Variants in RBFOX1 observed in about 807,000 individuals in gnomAD.
RBFOX1 encodes RNA binding fox-1 homolog 1.
Under a neutral mutation model 57.7 loss-of-function variants are expected in RBFOX1, and 8 were observed. That is an observed-to-expected ratio of 0.14 (90% CI 0.08 to 0.25). The LOEUF (loss-of-function observed/expected upper bound fraction) is 0.25, where lower values mean the gene tolerates loss of function less well. Ranked by LOEUF, RBFOX1 falls within the 10% of genes least tolerant of loss-of-function variation. The pLI is 1.00. For synonymous variants in RBFOX1, 326 were observed against 222.4 expected (o/e 1.47, Z -4.15); for missense variants, 611 against 548.5 (o/e 1.11, Z -1.14).
chr16:6,687,963 A>G (rs1344571966), intron 3 of RBFOX1, among the ~76,000 whole-genome samples: 1 of 152,220 alleles, frequency 6.6e-6, no homozygotes, highest in Non-Finnish European at 1.5e-5. Flanking sequence ...ATGAAAGATG[A>G]CACATGCTAA....
chr16:7,018,787 TA>T (rs141781801), intron 3 of RBFOX1, among the ~76,000 whole-genome samples: 86 of 146,486 alleles, frequency 5.9e-4, no homozygotes, highest in South Asian at 1.9e-3. Context: ...CTTAAAGTAT[TA>T]AAAAAAAAAA....
chr16:7,233,677 G>A (rs2093626142), intron 4 of RBFOX1, among the ~76,000 whole-genome samples: 1 of 152,162 alleles, frequency 6.6e-6, no homozygotes, highest in Non-Finnish European at 1.5e-5. Flanking sequence ...TGCGACCTTA[G>A]CAAAAGATGG....
upstream of RBFOX1, among the ~76,000 whole-genome samples, chr16:6,014,063 G>A (rs111469558): frequency 1.2e-4 from 18 of 152,172 alleles, no homozygotes; most frequent in African/African-American, 3.4e-4. Context: ...GTATGCATAC[G>A]TAACAAACCT....
rs555328895 is a variant in RBFOX1, at chr16:7,110,571, C to G, written c.27+58473C>G. On this transcript the variant is annotated intron_variant, in intron 4 of 15. Coordinates refer to ENST00000550418, the MANE Select transcript of RBFOX1 (RefSeq NM_018723.4). ...ACTTCGAGTACACAGTGGCTAATAGCTAGGAGGGATCTCTGGGCACGAAGA... is the reference window on the plus strand; with the variant it reads ...ACTTCGAGTACACAGTGGCTAATAGGTAGGAGGGATCTCTGGGCACGAAGA... 1.3e-4 allele frequency among the ~76,000 whole-genome samples: 20 copies of G among 152,238 alleles called. No homozygotes were observed. In the East Asian group the frequency reaches 3.7e-3, roughly 28 times the overall value.
intron 4 of RBFOX1, among the ~76,000 whole-genome samples, chr16:7,263,550 G>T (rs1456761476): frequency 6.6e-6 from 1 of 152,084 alleles, no homozygotes; most frequent in African/African-American, 2.4e-5. Context: ...TTCAGGCAGG[G>T]CTGAGGACCA....
chr16:6,693,097 TC>T (rs2060465538), intron 3 of RBFOX1, among the ~76,000 whole-genome samples: 1 of 149,230 alleles, frequency 6.7e-6, no homozygotes, highest in East Asian at 2.0e-4. Flanking sequence ...ACAACCATCA[TC>T]ATCATCCTCA....
chr16:7,276,076 A>G (rs553130296), intron 4 of RBFOX1, among the ~76,000 whole-genome samples: 55 of 152,338 alleles, frequency 3.6e-4, no homozygotes, highest in African/African-American at 1.3e-3. Flanking sequence ...ACTCCTAAAC[A>G]TACCTCTTTG....
intron 4 of RBFOX1, among the ~76,000 whole-genome samples, chr16:7,421,435 T>G (rs1261966765): frequency 1.3e-5 from 2 of 152,220 alleles, no homozygotes; most frequent in Non-Finnish European, 2.9e-5. Flanking sequence ...TACACATATT[T>G]CCAAGGGTAA....
chr16:7,060,240 A>T (rs2053831638), intron 4 of RBFOX1, among the ~76,000 whole-genome samples: 1 of 152,204 alleles, frequency 6.6e-6, no homozygotes, highest in African/African-American at 2.4e-5. Context: ...TGAATGATTG[A>T]GGCTATGTCT....
At chr16:7,276,744 C>A (rs2153154872) in intron 4 of RBFOX1, among the ~76,000 whole-genome samples, 1 of 152,266 alleles carries the variant, frequency 6.6e-6, no homozygotes, top group East Asian at 1.9e-4. Context: ...TTTGTTCCCA[C>A]CTACGTTAAG....
chr16:5,497,622 C>CAAAAAAAAAAAAAAAAAAAAAAAAA (rs911723996), intron 2 of RBFOX1, among the ~76,000 whole-genome samples: 6 of 53,416 alleles, frequency 1.1e-4, no homozygotes, highest in African/African-American at 5.5e-4. Flanking sequence ...ACTAAAAATA[C>CAAAAAAAAAAAAAAAAAAAAAAAAA]AAAAAAAAAA....
At chr16:7,504,771 T>TTTTATATATATATA (rs2072541790) in intron 4 of RBFOX1, among the ~76,000 whole-genome samples, 1 of 49,848 alleles carries the variant, frequency 2.0e-5, no homozygotes, top group African/African-American at 1.7e-4. Context: ...ATATATATAT[T>TTTTATATATATATA]TATATATATA....
At chr16:7,526,932 C>T (rs1430354974) in intron 5 of RBFOX1, among the ~76,000 whole-genome samples, 1 of 152,226 alleles carries the variant, frequency 6.6e-6, no homozygotes, top group Non-Finnish European at 1.5e-5. Context: ...ATCCCCCAGG[C>T]ATGCCCAGCC....
intron 4 of RBFOX1, among the ~76,000 whole-genome samples, chr16:7,160,600 C>A (rs1029116512): frequency 1.3e-5 from 2 of 152,074 alleles, no homozygotes; most frequent in African/African-American, 2.4e-5. Context: ...GTAATACAAA[C>A]AATTATTTTA....
chr16:6,335,798 AAAAG>A (rs1247088863), intron 2 of RBFOX1, among the ~76,000 whole-genome samples: 1 of 148,302 alleles, frequency 6.7e-6, no homozygotes, highest in Non-Finnish European at 1.5e-5. Context: ...AAAGAAAAAA[AAAAG>A]AAAAGAAAAG....
Position 6,863,012 on chromosome 16 carries a change from G to A in RBFOX1, c.-15-189045G>A, listed in dbSNP as rs532942086. 1.3e-3 allele frequency among the ~76,000 whole-genome samples: 200 copies of A among 152,032 alleles called. 1 individual carries two copies. Among genetic ancestry groups the A allele is most frequent in the African/African-American group, 4.5e-3 (187 of 41,510 alleles). On this transcript the variant is annotated intron_variant, in intron 3 of 15. Transcript: ENST00000550418. ...AAAAAAAAAAGGAAGACAGGCCGCA[G>A]CTGATTTTTGAAGGAATTTGCAGAG...
At chr16:5,986,053 TCTTTA>T (rs1371560839) in intron 4 of RBFOX1, among the ~76,000 whole-genome samples, 2 of 133,878 alleles carry the variant, frequency 1.5e-5, no homozygotes, top group Non-Finnish European at 3.1e-5. Flanking sequence ...TTGATTTTTT[TCTTTA>T]CTTTTTTTTT....
At chr16:7,318,672 AGCT>A (rs2096489035) in intron 4 of RBFOX1, among the ~76,000 whole-genome samples, 2 of 152,204 alleles carry the variant, frequency 1.3e-5, no homozygotes, top group African/African-American at 4.8e-5. Context: ...TGCAGAATAC[AGCT>A]TTTAACAAAA....
intron 3 of RBFOX1, among the ~76,000 whole-genome samples, chr16:6,753,355 T>C (rs1304461219): frequency 6.6e-6 from 1 of 152,210 alleles, no homozygotes; most frequent in African/African-American, 2.4e-5. Flanking sequence ...AAAAATATGG[T>C]ACAAAAGTGA....
Sources: allele counts gnomAD v4.1 joint callset (sites outside exome capture counted in the v4.1 genomes callset), GRCh38; gene constraint gnomAD v4.1.1; transcripts MANE v1.5; gene names NCBI Gene and HGNC (gene_info 2026-07-23, HGNC 2026-07-21).